Variants in FAM227B observed in about 807,000 individuals in gnomAD.
FAM227B encodes the protein family with sequence similarity 227 member B, also known as protein FAM227B.
In FAM227B, 88 loss-of-function variants were observed where a neutral mutation model predicts 73.8. The observed-to-expected ratio is 1.19, with a 90% CI of 1.00 to 1.42. The LOEUF (loss-of-function observed/expected upper bound fraction) is 1.42, where lower values mean the gene tolerates loss of function less well. Ranked by LOEUF, FAM227B falls within the 40% of genes most tolerant of loss-of-function variation. FAM227B has a pLI of 0.00. For missense variants in FAM227B, 632 were observed against 590.9 expected, an observed-to-expected ratio of 1.07 and a Z score of -0.72; for synonymous variants, 210 against 190.5, an observed-to-expected ratio of 1.10 and a Z score of -0.84.
intron 3 of FAM227B, among the ~76,000 whole-genome samples, chr15:49,609,237 T>C (rs367646389): frequency 8.6e-5 from 13 of 151,624 alleles, no homozygotes; most frequent in African/African-American, 3.1e-4. Context: ...GTAAAGGGAA[T>C]GTGGGAAATG....
chr15:49,465,287 G>A (rs1473034260), intron 11 of FAM227B, among the ~76,000 whole-genome samples: 1 of 149,190 alleles, frequency 6.7e-6, no homozygotes, highest in Non-Finnish European at 1.5e-5. Flanking sequence ...CTGCCACCAT[G>A]TCTGGCTTTT....
intron 8 of FAM227B, among the ~76,000 whole-genome samples, chr15:49,568,914 T>C (rs2074875235): frequency 6.6e-6 from 1 of 152,018 alleles, no homozygotes; most frequent in Non-Finnish European, 1.5e-5. Flanking sequence ...AGTTAGAAAA[T>C]GTTTCCTCTT....
intron 11 of FAM227B, among the ~76,000 whole-genome samples, chr15:49,447,149 T>C (rs980325681): frequency 1.3e-5 from 2 of 151,628 alleles, no homozygotes; most frequent in Non-Finnish European, 1.5e-5. Flanking sequence ...TTTCAAAAAG[T>C]ATTTCTTGTA....
chr15:49,328,189 T>C lies in FAM227B; in HGVS notation c.*379A>G, dbSNP rs774828410. On this transcript the variant is annotated 3_prime_UTR_variant, in exon 16 of 16. Transcript: ENST00000299338. ...ATGTAAAAAGTCTGAGAGAAACTAC[T>C]TAGGGCACTTAGGAATTGGCAGGAC... is the stretch of plus-strand genomic sequence containing the variant. The C allele has an allele frequency of 2.5e-6, 4 of 1,583,096 alleles. No homozygotes were observed. Among genetic ancestry groups the C allele is most frequent in the South Asian group, 2.3e-5 (2 of 87,670 alleles).
Position 49,371,295 on chromosome 15 carries a change from T to G in FAM227B, c.1110+7A>C. 6.5e-7 allele frequency: 1 copy of G among 1,539,360 alleles called. No homozygotes were observed. The highest frequency in any genetic ancestry group is 9.0e-7 in the Non-Finnish European group (1 of 1,117,112). On this transcript the variant is annotated splice_region_variant and intron_variant, in intron 12 of 15. Coordinates refer to ENST00000299338, the MANE Select transcript of FAM227B (RefSeq NM_152647.3). ...AGAAATTTTTTCATAATTATTATAC[T>G]CCAAACCTTTGTTGCTAGTCTTGAT... is the stretch of plus-strand genomic sequence containing the variant.
chr15:49,554,752 A>G (rs144467325), intron 9 of FAM227B, among the ~76,000 whole-genome samples: 127 of 152,302 alleles, frequency 8.3e-4, no homozygotes, highest in African/African-American at 2.9e-3. Context: ...ACTAGGCACT[A>G]TAAGTACTTG....
chr15:49,333,852 T>C (rs987586279), intron 14 of FAM227B, among the ~76,000 whole-genome samples: 1 of 152,198 alleles, frequency 6.6e-6, no homozygotes, highest in Non-Finnish European at 1.5e-5. Flanking sequence ...ATGAGCCCAA[T>C]TTTTCTTGCT....
intron 13 of FAM227B, among the ~76,000 whole-genome samples, chr15:49,336,626 T>C (rs935898105): frequency 1.3e-5 from 2 of 152,260 alleles, no homozygotes; most frequent in African/African-American, 4.8e-5. Flanking sequence ...GCTCATTTTA[T>C]TTATTTTTCA....
At chr15:49,344,029 T>A (rs1185822152) in intron 13 of FAM227B, 1 of 152,250 alleles carries the variant, frequency 6.6e-6, no homozygotes, top group South Asian at 2.1e-4. Context: ...TAATAAACAT[T>A]CAACATTAAC....
chr15:49,536,867 C>G (rs1216092881), intron 10 of FAM227B, among the ~76,000 whole-genome samples: 2 of 151,798 alleles, frequency 1.3e-5, no homozygotes, highest in African/African-American at 4.8e-5. Flanking sequence ...TTTCTGCATG[C>G]AAAAGGATGA....
At chr15:49,397,560 G>C (rs1234538880) in intron 11 of FAM227B, among the ~76,000 whole-genome samples, 1 of 152,110 alleles carries the variant, frequency 6.6e-6, no homozygotes, top group African/African-American at 2.4e-5. Flanking sequence ...ATTCACCAAA[G>C]TTGAAATGAA....
At chr15:49,619,591 C>T (rs1211048618) in intron 1 of FAM227B, among the ~76,000 whole-genome samples, 1 of 152,164 alleles carries the variant, frequency 6.6e-6, no homozygotes, top group African/African-American at 2.4e-5. Flanking sequence ...GACAACACCA[C>T]CTGTGAACAT....
intron 4 of FAM227B, among the ~76,000 whole-genome samples, chr15:49,588,588 T>A (rs1350868259): frequency 9.3e-6 from 1 of 107,228 alleles, no homozygotes; most frequent in African/African-American, 4.1e-5. Flanking sequence ...TATATATATA[T>A]ATATATATAT....
chr15:49,356,093 C>T (rs898382696), intron 13 of FAM227B, among the ~76,000 whole-genome samples: 4 of 151,992 alleles, frequency 2.6e-5, no homozygotes, highest in African/African-American at 9.7e-5. Flanking sequence ...GAAGGAAGCA[C>T]TAAACATGGA....
chr15:49,438,453 T>A (rs1031520325), intron 11 of FAM227B, among the ~76,000 whole-genome samples: 10 of 151,838 alleles, frequency 6.6e-5, no homozygotes, highest in African/African-American at 2.4e-4. Flanking sequence ...TGGACCAGAT[T>A]GTCAATTGCA....
chr15:49,525,892 A>G (rs979123102), intron 10 of FAM227B, among the ~76,000 whole-genome samples: 2 of 151,626 alleles, frequency 1.3e-5, no homozygotes, highest in Middle Eastern at 3.2e-3. Flanking sequence ...ATGGAGCACA[A>G]AGATTCATAA....
Position 49,335,345 on chromosome 15 carries a change from G to A in FAM227B, c.1349+74C>T. ...CCTCATCATTAAGGAACTTAGTTTAGATGATTTCTCTGATTGTTTCCAGTT... is the reference window on the plus strand; with the variant it reads ...CCTCATCATTAAGGAACTTAGTTTAAATGATTTCTCTGATTGTTTCCAGTT... On this transcript the variant is annotated intron_variant, in intron 14 of 15. Coordinates refer to ENST00000299338, the MANE Select transcript of FAM227B (RefSeq NM_152647.3). 7.3e-6 allele frequency: 7 copies of A among 960,310 alleles called. No individual in the cohort carries two copies. In the South Asian group the frequency reaches 1.0e-4, roughly 14 times the overall value. 59.5% of individuals were successfully genotyped at this position (960,310 alleles called of 1,614,324 possible).
At chr15:49,554,323 G>C (rs145985663) in intron 9 of FAM227B, among the ~76,000 whole-genome samples, 1 of 152,086 alleles carries the variant, frequency 6.6e-6, no homozygotes, top group Admixed American at 6.6e-5. Context: ...ACTATGTTGC[G>C]TGCACACTCC....
intron 9 of FAM227B, among the ~76,000 whole-genome samples, chr15:49,567,807 G>A (rs1200511911): frequency 1.3e-5 from 2 of 152,022 alleles, no homozygotes; most frequent in Non-Finnish European, 2.9e-5. Context: ...AGCACAGCAA[G>A]CATTTGATTC....
Sources: allele counts gnomAD v4.1 joint callset (sites outside exome capture counted in the v4.1 genomes callset), GRCh38; gene constraint gnomAD v4.1.1; transcripts MANE v1.5; gene names NCBI Gene and HGNC (gene_info 2026-07-23, HGNC 2026-07-21).